ZNF518A: variants seen among roughly 807,000 people sequenced by gnomAD.
ZNF518A encodes zinc finger protein 518.
A neutral mutation model predicts 102.7 loss-of-function variants in ZNF518A; 47 were observed. The ratio of observed to expected loss-of-function variants is 0.46; its 90% confidence interval spans 0.36 to 0.58. The LOEUF (loss-of-function observed/expected upper bound fraction) is 0.58. Ranked by LOEUF, ZNF518A falls within the 20% of genes least tolerant of loss-of-function variation. The pLI is 0.00. For missense variants in ZNF518A, 1,793 were observed against 1,699.8 expected (o/e 1.05, Z -0.96); for synonymous variants, 652 against 594.6 (o/e 1.10, Z -1.40).
In ZNF518A at chr10:96,143,525, C is replaced by G. The variant is rs141965405; in HGVS notation, c.-302+9877C>G. 2.4e-3 allele frequency among the ~76,000 whole-genome samples: 366 copies of G among 152,326 alleles called. 2 individuals carry two copies. The highest frequency in any genetic ancestry group is 4.4e-3 in the Non-Finnish European group (299 of 68,028). On this transcript the variant is annotated intron_variant, in intron 3 of 5. Coordinates refer to ENST00000316045, the MANE Select transcript of ZNF518A (RefSeq NM_001330736.2). The stretch of plus-strand genomic sequence containing the variant: ...TACTCTTTAAAGGGTCCTCACAAAA[C>G]CTACCTTTCTGTGAAGTAAACACAG...
intron 1 of ZNF518A, chr10:96,190,011 A>T: frequency 2.5e-6 from 2 of 809,100 alleles, no homozygotes; most frequent in Non-Finnish European, 2.2e-6. Context: ...ATTTAATTGG[A>T]CTGCCTTCAT....
Position 96,157,576 on chromosome 10 carries a change from T to C in ZNF518A, c.1254T>C (p.Ala418=), listed in dbSNP as rs1456778349. The change falls in exon 6 of 6, where the codon GCT becomes GCC. Residue 418 remains alanine, a synonymous_variant. Transcript: ENST00000316045. ...CTAGTTCAGGTTTCATGAAGACTGC[T>C]GTACTAGGACCTACACTGAAAAATG... is the stretch of plus-strand genomic sequence containing the variant. ...PNASSGFMKT[A]VLGPTLKNVM... is the part of the protein sequence containing the mutation. 1.2e-6 allele frequency: 2 copies of C among 1,613,570 alleles called. No homozygotes were observed. The highest frequency in any genetic ancestry group is 2.7e-5 in the African/African-American group (2 of 74,834).
At chr10:96,176,383 T>A (rs868924483) in intron 1 of ZNF518A, among the ~76,000 whole-genome samples, 41 of 152,120 alleles carry the variant, frequency 2.7e-4, no homozygotes, top group Middle Eastern at 6.8e-3. Flanking sequence ...TAACTGAAAA[T>A]TTTCCTTAAA....
chr10:96,174,568 C>A (rs1227861034), intron 1 of ZNF518A, among the ~76,000 whole-genome samples: 2 of 152,034 alleles, frequency 1.3e-5, no homozygotes, highest in Non-Finnish European at 2.9e-5. Flanking sequence ...ATGAAATTGA[C>A]AAATTCCTAG....
At chr10:96,139,173 G>A (rs1428182392) in intron 3 of ZNF518A, among the ~76,000 whole-genome samples, 1 of 152,006 alleles carries the variant, frequency 6.6e-6, no homozygotes, top group African/African-American at 2.4e-5. Flanking sequence ...TGTACAATGG[G>A]GAGAGTGGTG....
In ZNF518A at chr10:96,157,974, CTTCT is replaced by C; in HGVS notation, c.1655_1658del (p.Ser552CysfsTer12). 6.2e-7 allele frequency: 1 copy of C among 1,613,754 alleles called. No homozygotes were observed. The highest frequency in any genetic ancestry group is 1.7e-5 in the Admixed American group (1 of 60,004). ...ACAATGGATTATGAGAAAAGTGTAT[CTTCT>C]TTGTCAGCAACATCAGAATTGGTTA... On this transcript the variant is annotated frameshift_variant, in exon 6 of 6. Transcript: ENST00000316045. LOFTEE classifies it high-confidence loss of function.
At chr10:96,192,773 A>C (rs1554893819) in intron 1 of ZNF518A, among the ~76,000 whole-genome samples, 1 of 152,172 alleles carries the variant, frequency 6.6e-6, no homozygotes, top group Non-Finnish European at 1.5e-5. Flanking sequence ...TAAAGTTTTG[A>C]AGGAAAGATA....
chr10:96,169,987 T>G (rs2083164264), intron 1 of ZNF518A, among the ~76,000 whole-genome samples: 1 of 152,262 alleles, frequency 6.6e-6, no homozygotes, highest in Non-Finnish European at 1.5e-5. Flanking sequence ...CAGTGTTTGC[T>G]AAGGGACTTG....
At chr10:96,168,437 G>GT (rs782643011), downstream of ZNF518A, among the ~76,000 whole-genome samples, 460 of 137,898 alleles carry the variant, frequency 3.3e-3, 1 homozygote, top group East Asian at 0.013. Context: ...CCTTTCCAGT[G>GT]TTTTTTTTTT....
intron 3 of ZNF518A, among the ~76,000 whole-genome samples, chr10:96,133,898 G>A (rs1317213425): frequency 1.3e-5 from 2 of 152,136 alleles, no homozygotes; most frequent in Non-Finnish European, 2.9e-5. Context: ...GAGGTACCAC[G>A]TTATCGTTTA....
At chr10:96,152,550 GATAC>G (rs1434807033) in intron 3 of ZNF518A, among the ~76,000 whole-genome samples, 1 of 152,198 alleles carries the variant, frequency 6.6e-6, no homozygotes, top group African/African-American at 2.4e-5. Flanking sequence ...GAACCAGAAA[GATAC>G]ATACACAGTC....
intron 3 of ZNF518A, among the ~76,000 whole-genome samples, chr10:96,148,238 G>A (rs1464644413): frequency 5.3e-5 from 8 of 152,080 alleles, no homozygotes; most frequent in African/African-American, 1.7e-4. Flanking sequence ...TTGGGAGTTC[G>A]ATAACCAGCC....
rs2082734630 is a variant in ZNF518A, at chr10:96,157,183, A to G, written c.861A>G (p.Glu287=). The G allele has an allele frequency of 5.0e-6, 8 of 1,612,222 alleles. No individual in the cohort carries two copies. The highest frequency in any genetic ancestry group is 5.9e-6 in the Non-Finnish European group (7 of 1,179,240). Residue 287 remains glutamate (E), a synonymous_variant, in exon 6 of 6, where the codon GAA becomes GAG. Transcript: ENST00000316045. ...LVRHVITLHK[E]HLYAKEKLEK... ...GACATGTTATAACTTTGCACAAAGA[A>G]CATTTATATGCAAAAGAAAAACTGG...
chr10:96,159,524 C>T lies in ZNF518A; in HGVS notation c.3202C>T (p.Leu1068=). The change falls in exon 6 of 6, where the codon CTA becomes TTA. Residue 1068 remains leucine (L), a synonymous_variant. Transcript: ENST00000316045. ...SVKAVLIPNM[L]SEQQSTKLNI... ...GAAAGCTGTTCTTATTCCTAACATGCTATCTGAGCAACAGAGCACTAAGTT... is the reference window on the plus strand; with the variant it reads ...GAAAGCTGTTCTTATTCCTAACATGTTATCTGAGCAACAGAGCACTAAGTT... 6.2e-7 allele frequency: 1 copy of T among 1,613,834 alleles called. No individual in the cohort carries two copies.
chr10:96,140,407 A>G (rs185474708), intron 3 of ZNF518A, among the ~76,000 whole-genome samples: 287 of 152,334 alleles, frequency 1.9e-3, no homozygotes, highest in African/African-American at 6.7e-3. Context: ...GGATCACATG[A>G]TAACATGTTC....
At chr10:96,151,116 G>A (rs587703556) in intron 3 of ZNF518A, among the ~76,000 whole-genome samples, 19 of 152,142 alleles carry the variant, frequency 1.2e-4, no homozygotes, top group Non-Finnish European at 2.5e-4. Flanking sequence ...GTTTCTCTGA[G>A]GGTTCAGATT....
At position 96,200,281 on chromosome 10, in the gene ZNF518A, TA is replaced by T; in HGVS notation, n.36-3291del. On this transcript the variant is annotated intron_variant and non_coding_transcript_variant, in intron 1 of 2. Transcript: ENST00000442635. The surrounding 1 kb of genome is among the most constrained non-coding windows in gnomAD (Gnocchi z 4.3). ...GCCTCTACATTTACACCAATAATTT[TA>T]AGATGAGTTTTATTTTTCCTTTGAT... is the stretch of plus-strand genomic sequence containing the variant. 1 of 656,716 alleles carries T rather than the reference TA, an allele frequency of 1.5e-6. No homozygotes were observed. The highest frequency in any genetic ancestry group is 2.0e-5 in the South Asian group (1 of 49,186). The allele number at this position is 656,716 out of a possible 1,614,324, so 40.7% of individuals were successfully genotyped here. A position where few individuals can be genotyped will look rare whatever the true frequency, so the allele number is the denominator to read the frequency against.
chr10:96,166,224 T>G (rs1554890327), downstream of ZNF518A, among the ~76,000 whole-genome samples: 1 of 152,182 alleles, frequency 6.6e-6, no homozygotes, highest in Non-Finnish European at 1.5e-5. Context: ...TGGGCAAATC[T>G]TCCCCATTCA....
downstream of ZNF518A, chr10:96,204,821 G>A (rs1267517727): frequency 3.6e-6 from 2 of 562,042 alleles, no homozygotes; most frequent in East Asian, 3.4e-5. Context: ...TCCCAGCAGT[G>A]TTACAGGTAC....
Sources: gnomAD v4.1 joint callset for allele counts (sites outside exome capture counted in the v4.1 genomes callset) on GRCh38, gnomAD v4.1.1 for gene constraint, Gnocchi (gnomAD v3.1) non-coding constraint, MANE v1.5 for transcripts, NCBI Gene and HGNC (gene_info 2026-07-23, HGNC 2026-07-21) for gene names.